The following NBAS variants were observed in gnomAD, a reference collection of about 807,000 sequenced individuals.
NBAS encodes the protein NBAS subunit of NRZ tethering complex, also known as NAG/BC035112 fusion.
Under a neutral mutation model 302.5 loss-of-function variants are expected in NBAS, and 219 were observed. The observed-to-expected ratio is 0.72, with a 90% CI of 0.65 to 0.81. The LOEUF (loss-of-function observed/expected upper bound fraction) is 0.81, where lower values mean the gene tolerates loss of function less well. NBAS is among the 30% of genes least tolerant of loss of function. The probability of loss-of-function intolerance (pLI) is 0.00; values close to 1 mark genes in which losing one functional copy is unlikely to be tolerated. For synonymous variants in NBAS, 1,118 were observed against 1,021.6 expected, an observed-to-expected ratio of 1.09 and a Z score of -1.80; for missense variants, 2,932 against 2,841.6, an observed-to-expected ratio of 1.03 and a Z score of -0.72.
At chr2:15,483,126 T>G (rs1224010597) in intron 12 of NBAS, 3 of 154,302 alleles carry the variant, frequency 1.9e-5, no homozygotes, top group Non-Finnish European at 4.3e-5. Context: ...TATAATGAAA[T>G]CCCTGCCTCC....
At chr2:15,511,420 A>G in intron 9 of NBAS, 70 bp from the exon 10 acceptor site, 1 of 1,428,452 alleles carries the variant, frequency 7.0e-7, no homozygotes. Context: ...AAGAGAGCAG[A>G]AACAGTCACC....
chr2:15,309,028 C>CATAAATAAATAA (rs34023135), intron 39 of NBAS, 143 bp downstream of exon 39: 2 of 352,092 alleles, frequency 5.7e-6, no homozygotes, highest in African/African-American at 2.3e-5. Flanking sequence ...ATAATAAATA[C>CATAAATAAATAA]ATAAATAAAT....
intron 12 of NBAS, among the ~76,000 whole-genome samples, chr2:15,485,631 C>T (rs73200695): frequency 0.012 from 1,902 of 152,322 alleles, 36 homozygotes; most frequent in African/African-American, 0.043. Context: ...GTAAAAGCTA[C>T]AAGACGATCT....
At chr2:15,515,542 C>T (rs1662347799) in intron 9 of NBAS, among the ~76,000 whole-genome samples, 2 of 152,118 alleles carry the variant, frequency 1.3e-5, no homozygotes, top group Admixed American at 1.3e-4. Context: ...ACAAAAACCC[C>T]AAGGGGTATC....
At chr2:15,368,389 G>A (rs572459183) in intron 31 of NBAS, among the ~76,000 whole-genome samples, 3 of 151,746 alleles carry the variant, frequency 2.0e-5, no homozygotes, top group South Asian at 2.1e-4. Context: ...TAGTAGCGAC[G>A]GGGTTTCACC....
At chr2:15,400,575 G>C (rs935327608) in intron 26 of NBAS, among the ~76,000 whole-genome samples, 1 of 152,104 alleles carries the variant, frequency 6.6e-6, no homozygotes, top group Non-Finnish European at 1.5e-5. Flanking sequence ...GGTAGGCAAA[G>C]ACAAGGAAAA....
At chr2:14,927,760 T>C in the NBAS span, among the ~76,000 whole-genome samples, 2 of 152,188 alleles carry the variant, frequency 1.3e-5, no homozygotes, top group Non-Finnish European at 2.9e-5. Flanking sequence ...GGTGCAGAAG[T>C]GTTATTCCTG....
intron 44 of NBAS, among the ~76,000 whole-genome samples, chr2:15,242,137 T>C (rs1667893298): frequency 1.3e-5 from 2 of 152,192 alleles, no homozygotes; most frequent in South Asian, 4.1e-4. Flanking sequence ...TCGTCAGCAT[T>C]ACTGAGTCTA....
chr2:15,046,631 T>A, the NBAS span, among the ~76,000 whole-genome samples: 1 of 152,332 alleles, frequency 6.6e-6, no homozygotes, highest in Non-Finnish European at 1.5e-5. Context: ...GCCACTTTAA[T>A]ACTAAGAGTG....
intron 38 of NBAS, among the ~76,000 whole-genome samples, chr2:15,317,050 G>T (rs1324433264): frequency 6.6e-6 from 1 of 152,162 alleles, no homozygotes; most frequent in South Asian, 2.1e-4. Flanking sequence ...AGTAATATTC[G>T]CTGTGCTGCA....
the NBAS span, among the ~76,000 whole-genome samples, chr2:14,817,509 T>C: frequency 6.6e-6 from 1 of 152,228 alleles, no homozygotes; most frequent in South Asian, 2.1e-4. Context: ...CATTGCTTTA[T>C]GTGTTGCCTA....
At chr2:15,373,209 T>G (rs551826371) in intron 31 of NBAS, among the ~76,000 whole-genome samples, 38 of 152,302 alleles carry the variant, frequency 2.5e-4, no homozygotes, top group African/African-American at 6.5e-4. Context: ...TGAATAAAAT[T>G]TTCCAGTGAT....
intron 28 of NBAS, among the ~76,000 whole-genome samples, chr2:15,392,796 T>C (rs768320202): frequency 1.3e-5 from 2 of 151,898 alleles, no homozygotes; most frequent in African/African-American, 2.4e-5. Context: ...GCAAAGGCCC[T>C]ATAATAAACA....
At chr2:15,451,267 T>A (rs1166288779) in intron 21 of NBAS, among the ~76,000 whole-genome samples, 1 of 152,096 alleles carries the variant, frequency 6.6e-6, no homozygotes, top group Non-Finnish European at 1.5e-5. Flanking sequence ...GCCCAGCTAG[T>A]CTCAAATACC....
chr2:15,437,048 T>G (rs963422044), intron 21 of NBAS, among the ~76,000 whole-genome samples: 1 of 152,186 alleles, frequency 6.6e-6, no homozygotes, highest in African/African-American at 2.4e-5. Context: ...TACAGCAGAT[T>G]TTTTTTCAAA....
At chr2:15,152,467 A>G in the NBAS span, among the ~76,000 whole-genome samples, 21,072 of 152,222 alleles carry the variant, frequency 0.14, 1,618 homozygotes, top group South Asian at 0.24. Context: ...AGCTAAGAGT[A>G]TATTCTTGTA....
the NBAS span, among the ~76,000 whole-genome samples, chr2:14,983,196 A>G: frequency 6.6e-6 from 1 of 152,218 alleles, no homozygotes; most frequent in Non-Finnish European, 1.5e-5. Flanking sequence ...GATGTATAAA[A>G]CATTTAGAAC....
chr2:15,056,870 C>T, the NBAS span, among the ~76,000 whole-genome samples: 1 of 144,440 alleles, frequency 6.9e-6, no homozygotes, highest in Admixed American at 7.0e-5. Flanking sequence ...ACTCTGTCTC[C>T]TAGGCTGGAG....
At chr2:14,809,112 G>C in the NBAS span, among the ~76,000 whole-genome samples, 1 of 152,202 alleles carries the variant, frequency 6.6e-6, no homozygotes, top group African/African-American at 2.4e-5. Flanking sequence ...AGGGGAGCAG[G>C]GCATAAAAGT....
Sources: gnomAD v4.1 joint callset for allele counts (sites outside exome capture counted in the v4.1 genomes callset) on GRCh38, gnomAD v4.1.1 for gene constraint, MANE v1.5 for transcripts, NCBI Gene and HGNC (gene_info 2026-07-23, HGNC 2026-07-21) for gene names.